DAB2IP: variants seen among roughly 807,000 people sequenced by gnomAD.
The protein encoded by DAB2IP is DAB2 interacting protein, also known as disabled homolog 2-interacting protein.
A neutral mutation model predicts 107.2 loss-of-function variants in DAB2IP; 28 were observed. The observed-to-expected ratio is 0.26, with a 90% CI of 0.19 to 0.36. The LOEUF (loss-of-function observed/expected upper bound fraction) is 0.36, where lower values mean the gene tolerates loss of function less well. DAB2IP is among the 10% of genes least tolerant of loss of function. DAB2IP has a pLI of 1.00. For missense variants in DAB2IP, 1,400 were observed against 1,644.7 expected, an observed-to-expected ratio of 0.85 and a Z score of 2.57; for synonymous variants, 755 against 706.4, an observed-to-expected ratio of 1.07 and a Z score of -1.09.
In DAB2IP at chr9:121,763,895, A is replaced by G. The variant is rs751443590; in HGVS notation, c.1460+16A>G. On this transcript the variant is annotated intron_variant, in intron 8 of 15. Coordinates refer to ENST00000408936, the Ensembl canonical transcript of DAB2IP. ...ACTCCTACTGGTCAGTGCGGTGCCC[A>G]GGTCTCCCCACCCTGTCGCCTTCCC... 4 of 1,612,022 alleles carry G rather than the reference A, an allele frequency of 2.5e-6. No homozygotes were observed. The highest frequency in any genetic ancestry group is 3.4e-6 in the Non-Finnish European group (4 of 1,178,598).
At chr9:121,703,060 G>A (rs1829865649) in intron 3 of DAB2IP, among the ~76,000 whole-genome samples, 1 of 152,156 alleles carries the variant, frequency 6.6e-6, no homozygotes, top group African/African-American at 2.4e-5. Flanking sequence ...TGTGTGTGCT[G>A]GCTGGCGTTC....
At chr9:121,585,903 C>G (rs1461046844) in intron 1 of DAB2IP, among the ~76,000 whole-genome samples, 1 of 152,006 alleles carries the variant, frequency 6.6e-6, no homozygotes, top group African/African-American at 2.4e-5. Context: ...AGGGTTCTAC[C>G]AGGAACCCTA....
chr9:121,763,397 A>G, intron 6 of DAB2IP, 108 bp from the exon 7 acceptor site: 1 of 1,450,252 alleles, frequency 6.9e-7, no homozygotes, highest in Non-Finnish European at 9.2e-7. Context: ...CAGCTTGGTG[A>G]TGGAACAGCC....
intron 3 of DAB2IP, chr9:121,751,820 C>G (rs1444777329): frequency 3.6e-6 from 2 of 561,454 alleles, no homozygotes; most frequent in Non-Finnish European, 4.5e-6. Flanking sequence ...AGTGGAACTC[C>G]CATTCCCCTC....
At chr9:121,680,732 C>CT (rs964364557) in intron 2 of DAB2IP, among the ~76,000 whole-genome samples, 4 of 122,140 alleles carry the variant, frequency 3.3e-5, no homozygotes, top group African/African-American at 6.9e-5. Context: ...TCCCTGATCT[C>CT]TTTTTTTTTT....
At chr9:121,767,716 GGGTT>G (rs1834388559) in intron 9 of DAB2IP, among the ~76,000 whole-genome samples, 1 of 152,208 alleles carries the variant, frequency 6.6e-6, no homozygotes, top group South Asian at 2.1e-4. Flanking sequence ...GTGGGCAGAT[GGGTT>G]GGAGGGAGCA....
At chr9:121,653,224 AGCCTTT>A (rs1564135902) in intron 1 of DAB2IP, among the ~76,000 whole-genome samples, 1 of 121,772 alleles carries the variant, frequency 8.2e-6, no homozygotes, top group African/African-American at 2.9e-5. Context: ...GGGAGTACTA[AGCCTTT>A]AGTACTCCTT....
Position 121,692,424 on chromosome 9 carries a change from T to G in DAB2IP, c.229-6901T>G, listed in dbSNP as rs73664511. Among the ~76,000 whole-genome samples, 1,498 of 152,258 alleles carry G rather than the reference T, an allele frequency of 9.8e-3. 37 individuals are homozygous for G. The highest frequency in any genetic ancestry group is 0.035 in the African/African-American group (1,449 of 41,544). ...GTATGCATGCCTGTCCTTGAACTTG[T>G]GTATGTTTCTGGCCCTGTATATTTC... On this transcript the variant is annotated intron_variant, in intron 2 of 15. Transcript: ENST00000408936.
chr9:121,578,446 G>A (rs910634612), intron 1 of DAB2IP, among the ~76,000 whole-genome samples: 1 of 151,722 alleles, frequency 6.6e-6, no homozygotes, highest in African/African-American at 2.4e-5. Flanking sequence ...AGGGCCTACC[G>A]TGCCCGGCAG....
At chr9:121,666,022 GA>G (rs1279674451) in intron 1 of DAB2IP, among the ~76,000 whole-genome samples, 1 of 152,230 alleles carries the variant, frequency 6.6e-6, no homozygotes, top group Non-Finnish European at 1.5e-5. Context: ...AGTTCTGGGG[GA>G]CAGAAGTCTG....
intron 1 of DAB2IP, among the ~76,000 whole-genome samples, chr9:121,623,051 G>A (rs1007647887): frequency 4.6e-5 from 7 of 152,174 alleles, no homozygotes; most frequent in Non-Finnish European, 7.3e-5. Flanking sequence ...TGAGCCTTGC[G>A]CCATCTCTCT....
exon 12 of DAB2IP, chr9:121,773,229 G>T: frequency 6.4e-7 from 1 of 1,558,860 alleles, no homozygotes; most frequent in East Asian, 2.4e-5. Flanking sequence ...TGAAAAAGGC[G>T]GGCAGCCCAC....
At chr9:121,771,872 TC>T (rs1834771756) in intron 11 of DAB2IP, among the ~76,000 whole-genome samples, 2 of 147,172 alleles carry the variant, frequency 1.4e-5, no homozygotes, top group East Asian at 2.1e-4. Context: ...AGCCTTCAGT[TC>T]CCCCCACCCA....
At chr9:121,746,792 A>T (rs1308619093) in intron 3 of DAB2IP, among the ~76,000 whole-genome samples, 1 of 152,162 alleles carries the variant, frequency 6.6e-6, no homozygotes, top group African/African-American at 2.4e-5. Context: ...CTTTTGTTTC[A>T]TTATCATTTC....
At chr9:121,770,785 C>T in intron 11 of DAB2IP, 61 bp downstream of exon 11, 1 of 1,578,396 alleles carries the variant, frequency 6.3e-7, no homozygotes, top group Admixed American at 1.7e-5. Context: ...CACAGCCCAT[C>T]TGTAATCTCA....
chr9:121,741,517 G>A (rs868853174), intron 3 of DAB2IP, among the ~76,000 whole-genome samples: 41 of 152,080 alleles, frequency 2.7e-4, no homozygotes, highest in African/African-American at 8.9e-4. Context: ...TTGGGTAGCC[G>A]AGACAGGTTG....
exon 13 of DAB2IP, chr9:121,774,364 C>G (rs746928111): frequency 6.2e-7 from 1 of 1,612,886 alleles, no homozygotes; most frequent in Non-Finnish European, 8.5e-7. Flanking sequence ...CAGACCCCCC[C>G]CACAGGGATA....
At chr9:121,717,785 C>T (rs948531707) in intron 3 of DAB2IP, among the ~76,000 whole-genome samples, 6 of 152,324 alleles carry the variant, frequency 3.9e-5, no homozygotes, top group African/African-American at 1.4e-4. Context: ...TTCCCCTCCC[C>T]CTCCAGTCCT....
Position 121,618,842 on chromosome 9 carries a change from C to T in DAB2IP, c.40+51614C>T, listed in dbSNP as rs552120968. Among the ~76,000 whole-genome samples the T allele has an allele frequency of 2.0e-5, 3 of 152,208 alleles. 1 individual carries two copies. In the South Asian group the frequency reaches 6.2e-4, roughly 32 times the overall value. ...TCGGTTTAATTATTTGTGCCTTTGC[C>T]TTGGTGGTGGGGGTGGCGGGGCAGG... On this transcript the variant is annotated intron_variant, in intron 1 of 16. Coordinates refer to the DAB2IP transcript ENST00000259371.
Sources: gnomAD v4.1 joint callset for allele counts (sites outside exome capture counted in the v4.1 genomes callset) on GRCh38, gnomAD v4.1.1 for gene constraint, MANE v1.5 for transcripts, NCBI Gene and HGNC (gene_info 2026-07-23, HGNC 2026-07-21) for gene names.